PKD2: variants seen among roughly 807,000 people sequenced by gnomAD.
The protein encoded by PKD2 is polycystin 2, transient receptor potential cation channel.
Under a neutral mutation model 105.9 loss-of-function variants are expected in PKD2, and 48 were observed. That is an observed-to-expected ratio of 0.45 (90% CI 0.36 to 0.58). The LOEUF (loss-of-function observed/expected upper bound fraction) is 0.58. Among genes scored for constraint, PKD2 ranks in the 20% least tolerant of loss-of-function variants. The probability of loss-of-function intolerance (pLI) is 0.00; values close to 1 mark genes in which losing one functional copy is unlikely to be tolerated. For missense variants in PKD2, 1,078 were observed against 1,255.3 expected, an observed-to-expected ratio of 0.86 and a Z score of 2.13; for synonymous variants, 464 against 481.1, an observed-to-expected ratio of 0.96 and a Z score of 0.46.
chr4:88,050,837 G>C (rs992972266), intron 6 of PKD2, among the ~76,000 whole-genome samples: 2 of 152,164 alleles, frequency 1.3e-5, no homozygotes, highest in African/African-American at 4.8e-5. Context: ...AGGAAAGGAA[G>C]ATGGTGAGGT....
intron 13 of PKD2, among the ~76,000 whole-genome samples, chr4:88,070,925 G>A (rs753467866): frequency 3.8e-4 from 57 of 151,778 alleles, no homozygotes; most frequent in Non-Finnish European, 1.9e-4. Context: ...ATGAGCCACC[G>A]CACTTAGCCT....
chr4:88,051,870 G>A, intron 6 of PKD2, 121 bp from the exon 7 acceptor site: 1 of 616,790 alleles, frequency 1.6e-6, no homozygotes, highest in Non-Finnish European at 2.9e-6. Context: ...ATGACATCGG[G>A]TAAGTATAAT....
intron 5 of PKD2, among the ~76,000 whole-genome samples, chr4:88,046,127 CAA>C (rs879584513): frequency 7.4e-6 from 1 of 135,076 alleles, no homozygotes. Flanking sequence ...CAGTCTCTGC[CAA>C]AAAAAAAAAA....
chr4:88,043,553 T>C (rs1314938424), intron 5 of PKD2, 96 bp downstream of exon 5: 3 of 838,952 alleles, frequency 3.6e-6, no homozygotes, highest in Non-Finnish European at 6.0e-6. Context: ...TGCAGTTAGC[T>C]ACATGAGGAT....
intron 12 of PKD2, among the ~76,000 whole-genome samples, chr4:88,066,985 T>A (rs1423306949): frequency 6.6e-6 from 1 of 152,052 alleles, no homozygotes; most frequent in Non-Finnish European, 1.5e-5. Flanking sequence ...ATGAGGAAAA[T>A]TTTTACAAGG....
chr4:88,028,176 A>C (rs1235862528), intron 2 of PKD2, among the ~76,000 whole-genome samples: 1 of 152,208 alleles, frequency 6.6e-6, no homozygotes, highest in Admixed American at 6.5e-5. Flanking sequence ...AAAGAAAGCA[A>C]CTTTGCCTTG....
chr4:88,065,299 T>A (rs1360445366), intron 10 of PKD2, 75 bp from the exon 11 acceptor site: 6 of 1,348,264 alleles, frequency 4.5e-6, no homozygotes, highest in African/African-American at 1.4e-5. Flanking sequence ...TAGTTACTAC[T>A]GTGAATGGAA....
At position 88,075,502 on chromosome 4, in the gene PKD2, G is replaced by T. The variant is rs759891096; in HGVS notation, c.2715G>T (p.Met905Ile). 2 of 1,614,010 alleles carry T rather than the reference G, an allele frequency of 1.2e-6. No homozygotes were observed. The highest frequency in any genetic ancestry group is 2.7e-5 in the African/African-American group (2 of 74,906). Residue 905 changes from methionine to isoleucine, a missense_variant, in exon 15 of 15, where the codon ATG (methionine) becomes ATT (isoleucine). By Grantham distance (10) the Met-to-Ile change is conservative (BLOSUM62 1). Transcript: ENST00000237596. ...ACAGTGAAATCCATAGGGAACAGAT[G>T]GAACGGCTAGTACGTGAAGAGTTGG... ...GRDSEIHREQ[M>I]ERLVREELER...
intron 2 of PKD2, among the ~76,000 whole-genome samples, chr4:88,028,231 T>G (rs1371024667): frequency 1.3e-5 from 2 of 152,232 alleles, no homozygotes; most frequent in African/African-American, 4.8e-5. Flanking sequence ...TGTAAAAATC[T>G]TACAAGGATG....
chr4:88,013,956 TCTGAA>T (rs1726472891), intron 1 of PKD2, among the ~76,000 whole-genome samples: 1 of 152,046 alleles, frequency 6.6e-6, no homozygotes, highest in Non-Finnish European at 1.5e-5. Flanking sequence ...CATTTGTCAA[TCTGAA>T]GATGACTCTT....
intron 2 of PKD2, among the ~76,000 whole-genome samples, chr4:88,031,013 C>G (rs1399226544): frequency 2.0e-5 from 3 of 152,166 alleles, no homozygotes; most frequent in Non-Finnish European, 1.5e-5. Context: ...TTTTCAACTT[C>G]ATGGTGATGT....
chr4:88,073,625 G>T (rs947141655), intron 13 of PKD2, among the ~76,000 whole-genome samples: 1 of 152,120 alleles, frequency 6.6e-6, no homozygotes, highest in Non-Finnish European at 1.5e-5. Context: ...GGGGGAGGAG[G>T]GAGCCCTGTG....
At position 88,075,766 on chromosome 4, in the gene PKD2, C is replaced by CT; in HGVS notation, c.*73dup. The CT allele has an allele frequency of 3.9e-6, 4 of 1,012,738 alleles. No individual in the cohort carries two copies. In the South Asian group the frequency reaches 5.1e-5, roughly 13 times the overall value. The allele number at this position is 1,012,738 out of a possible 1,614,324, so 62.7% of individuals were successfully genotyped here. The stretch of plus-strand genomic sequence containing the variant: ...GTCCTGAATTGCTGTAACAAGCACA[C>CT]TATTTATATGCCCTGACCACCATAG... On this transcript the variant is annotated 3_prime_UTR_variant, in exon 15 of 15. Coordinates refer to ENST00000237596, the MANE Select transcript of PKD2 (RefSeq NM_000297.4).
At chr4:88,024,321 T>A (rs948135905) in intron 2 of PKD2, among the ~76,000 whole-genome samples, 4 of 151,490 alleles carry the variant, frequency 2.6e-5, no homozygotes, top group African/African-American at 9.7e-5. Context: ...GCCGGGTATG[T>A]TGGCATGCAC....
chr4:88,025,443 C>CA (rs1220252489), intron 2 of PKD2, among the ~76,000 whole-genome samples: 16 of 150,610 alleles, frequency 1.1e-4, no homozygotes, highest in Non-Finnish European at 2.2e-4. Context: ...GACCTTGTGT[C>CA]AAAAAAGTAA....
At chr4:88,035,952 G>A (rs894288453) in intron 2 of PKD2, 7 of 475,160 alleles carry the variant, frequency 1.5e-5, no homozygotes, top group Admixed American at 6.4e-5. Context: ...TCAAGTAAAC[G>A]TTCCTGATCT....
rs181704860 is a variant in PKD2 at position 88,008,177 on chromosome 4, C to G, written c.444C>G (p.Gly148=). 7.2e-7 allele frequency: 1 copy of G among 1,391,546 alleles called. No individual in the cohort carries two copies. Among genetic ancestry groups the G allele is most frequent in the African/African-American group, 1.5e-5 (1 of 66,302 alleles). 86.2% of individuals were successfully genotyped at this position (1,391,546 alleles called of 1,614,324 possible). A position where few individuals can be genotyped will look rare whatever the true frequency, so the allele number is the denominator to read the frequency against. Residue 148 remains glycine (G), a synonymous_variant, in exon 1 of 15, where the codon GGC becomes GGG. Transcript: ENST00000237596. ...GGCTTGGGGGCTACCACGGCGCGGG[C>G]CACCCGAGCGGGAGGCGGCGCCGGC... is the stretch of plus-strand genomic sequence containing the variant. ...SRGLGGYHGA[G]HPSGRRRRRE...
chr4:88,070,690 T>C (rs1047525074), intron 13 of PKD2, among the ~76,000 whole-genome samples: 1 of 149,970 alleles, frequency 6.7e-6, no homozygotes, highest in Middle Eastern at 3.3e-3. Flanking sequence ...TGGAGTACAG[T>C]GGTGTAATCA....
At chr4:88,024,479 AAAAG>A (rs1402601692) in intron 2 of PKD2, among the ~76,000 whole-genome samples, 311 of 138,974 alleles carry the variant, frequency 2.2e-3, no homozygotes, top group African/African-American at 7.2e-3. Context: ...AAAAAAAAAA[AAAAG>A]AAAGAAAGAA....
Sources: allele counts gnomAD v4.1 joint callset (sites outside exome capture counted in the v4.1 genomes callset), GRCh38; gene constraint gnomAD v4.1.1; transcripts MANE v1.5; gene names NCBI Gene and HGNC (gene_info 2026-07-23, HGNC 2026-07-21).